Variants in MACROD2 observed in about 807,000 individuals in gnomAD.
MACROD2 encodes ADP-ribose glycohydrolase MACROD2.
MACROD2 carries 36 observed loss-of-function variants against 70.4 expected under a neutral mutation model. The observed-to-expected ratio is 0.51, with a 90% confidence interval of 0.39 to 0.68. The LOEUF is 0.68. Ranked by LOEUF, MACROD2 falls within the 30% of genes least tolerant of loss-of-function variation. The probability of loss-of-function intolerance (pLI) is 0.00; values close to 1 mark genes in which losing one functional copy is unlikely to be tolerated. For synonymous variants in MACROD2, 172 were observed against 178.8 expected, an observed-to-expected ratio of 0.96 and a Z score of 0.30; for missense variants, 496 against 538.4, an observed-to-expected ratio of 0.92 and a Z score of 0.78.
At chr20:16,010,801 G>A (rs953669662) in intron 15 of MACROD2, among the ~76,000 whole-genome samples, 6 of 152,116 alleles carry the variant, frequency 3.9e-5, no homozygotes, top group Non-Finnish European at 5.9e-5. Context: ...TGTGAATCTC[G>A]ATTATTTAGG....
intron 5 of MACROD2, among the ~76,000 whole-genome samples, chr20:15,063,557 T>G (rs1434692112): frequency 1.3e-5 from 2 of 152,194 alleles, no homozygotes; most frequent in Non-Finnish European, 2.9e-5. Flanking sequence ...ACATCATGTT[T>G]TAGTCTAAAA....
rs114531403 is a variant in MACROD2 at position 16,002,198 on chromosome 20, A to G, written c.1153+15040A>G. Among the ~76,000 whole-genome samples the G allele has an allele frequency of 6.7e-3, 1,025 of 152,242 alleles. 14 individuals carry two copies. The highest frequency in any genetic ancestry group is 0.023 in the African/African-American group (962 of 41,534). On this transcript the variant is annotated intron_variant, in intron 15 of 17. Transcript: ENST00000684519. ...AAGATATCTTACTATTTTATCACCTATAGTAAGGAATAAAAATTTTAGTCC... is the reference window on the plus strand; with the variant it reads ...AAGATATCTTACTATTTTATCACCTGTAGTAAGGAATAAAAATTTTAGTCC...
chr20:14,310,530 A>G (rs2082557850), intron 3 of MACROD2, among the ~76,000 whole-genome samples: 1 of 152,208 alleles, frequency 6.6e-6, no homozygotes. Flanking sequence ...CCAGGTGTAT[A>G]AAAGTATAGC....
At chr20:15,613,573 A>G (rs1275340229) in intron 8 of MACROD2, among the ~76,000 whole-genome samples, 3 of 152,254 alleles carry the variant, frequency 2.0e-5, no homozygotes, top group Non-Finnish European at 4.4e-5. Flanking sequence ...CACATTAAGA[A>G]TTTTAAGATA....
intron 12 of MACROD2, among the ~76,000 whole-genome samples, chr20:15,949,508 C>G (rs76817553): frequency 2.0e-5 from 3 of 152,102 alleles, no homozygotes; most frequent in Non-Finnish European, 4.4e-5. Context: ...CACCATAGGG[C>G]GTGCACCAGT....
intron 5 of MACROD2, among the ~76,000 whole-genome samples, chr20:15,217,536 C>CT (rs545624888): frequency 1.2e-3 from 177 of 152,004 alleles, no homozygotes; most frequent in South Asian, 8.1e-3. Flanking sequence ...TTCTATTGAT[C>CT]TTTTTTTTCT....
intron 3 of MACROD2, among the ~76,000 whole-genome samples, chr20:14,148,613 T>C (rs1016580534): frequency 1.3e-5 from 2 of 152,230 alleles, no homozygotes; most frequent in Admixed American, 1.3e-4. Context: ...ATTAATGTTT[T>C]GGGACCACAT....
intron 3 of MACROD2, among the ~76,000 whole-genome samples, chr20:14,456,733 T>TC (rs1204453046): frequency 1.3e-5 from 2 of 148,266 alleles, no homozygotes; most frequent in Non-Finnish European, 3.0e-5. Context: ...TTTTTTTTTT[T>TC]TGAGACTGAG....
At chr20:15,244,367 A>T (rs1014428184) in intron 6 of MACROD2, among the ~76,000 whole-genome samples, 1 of 152,198 alleles carries the variant, frequency 6.6e-6, no homozygotes, top group Non-Finnish European at 1.5e-5. Context: ...TCATATTATT[A>T]CTCATCTAAT....
intron 3 of MACROD2, among the ~76,000 whole-genome samples, chr20:14,222,336 C>T (rs1040448853): frequency 5.9e-5 from 9 of 152,186 alleles, no homozygotes; most frequent in Non-Finnish European, 7.4e-5. Context: ...TCTTTTGTAG[C>T]GACATGGATA....
intron 4 of MACROD2, among the ~76,000 whole-genome samples, chr20:14,682,337 A>T (rs1048774919): frequency 6.6e-6 from 1 of 152,006 alleles, no homozygotes; most frequent in Non-Finnish European, 1.5e-5. Context: ...TCCCTTATAC[A>T]GTAATCTCAC....
chr20:15,452,209 G>T (rs1302284949), intron 7 of MACROD2, among the ~76,000 whole-genome samples: 1 of 152,080 alleles, frequency 6.6e-6, no homozygotes, highest in Non-Finnish European at 1.5e-5. Flanking sequence ...TTATATACTT[G>T]CCCAGTCTCT....
chr20:15,797,035 A>G (rs2063679961), intron 8 of MACROD2, among the ~76,000 whole-genome samples: 1 of 152,134 alleles, frequency 6.6e-6, no homozygotes, highest in Non-Finnish European at 1.5e-5. Context: ...GGTGCTCAAA[A>G]ATGTCCTTGA....
intron 12 of MACROD2, among the ~76,000 whole-genome samples, chr20:15,963,180 C>T (rs2066088029): frequency 6.6e-6 from 1 of 152,144 alleles, no homozygotes; most frequent in Admixed American, 6.6e-5. Flanking sequence ...GATGGTGTTT[C>T]TGTGCAATTT....
At chr20:15,928,483 T>G (rs1568646965) in intron 10 of MACROD2, among the ~76,000 whole-genome samples, 1 of 152,242 alleles carries the variant, frequency 6.6e-6, no homozygotes, top group Non-Finnish European at 1.5e-5. Context: ...AATAAATAGT[T>G]ACATTTCTAA....
At chr20:14,889,845 T>A (rs1444934600) in intron 5 of MACROD2, among the ~76,000 whole-genome samples, 2 of 152,106 alleles carry the variant, frequency 1.3e-5, no homozygotes, top group Non-Finnish European at 1.5e-5. Flanking sequence ...TTTAAGTTTC[T>A]AAAAGATTAA....
intron 3 of MACROD2, among the ~76,000 whole-genome samples, chr20:14,258,948 A>G (rs1384180141): frequency 6.6e-6 from 1 of 152,030 alleles, no homozygotes; most frequent in Admixed American, 6.6e-5. Flanking sequence ...TAATTTATTA[A>G]TTTGTTTTTT....
At chr20:15,058,847 A>T (rs570966295) in intron 5 of MACROD2, among the ~76,000 whole-genome samples, 1 of 152,302 alleles carries the variant, frequency 6.6e-6, no homozygotes, top group African/African-American at 2.4e-5. Flanking sequence ...CATGTGAGAG[A>T]GTGTTTTAAG....
chr20:14,786,594 G>A (rs1008612558), intron 5 of MACROD2, among the ~76,000 whole-genome samples: 1 of 151,964 alleles, frequency 6.6e-6, no homozygotes, highest in Admixed American at 6.6e-5. Flanking sequence ...ATTTGAGTTG[G>A]CTTTGAAGGA....
Sources: allele counts gnomAD v4.1 joint callset (sites outside exome capture counted in the v4.1 genomes callset), GRCh38; gene constraint gnomAD v4.1.1; transcripts MANE v1.5; gene names NCBI Gene and HGNC (gene_info 2026-07-23, HGNC 2026-07-21).